Variants in CPNE1 observed in about 807,000 individuals in gnomAD.
The protein encoded by CPNE1 is copine-1.
A neutral mutation model predicts 63.2 loss-of-function variants in CPNE1; 58 were observed. That is an observed-to-expected ratio of 0.92 (90% CI 0.74 to 1.14). The LOEUF is 1.14. CPNE1 is among the 50% of genes most tolerant of loss of function. The pLI is 0.00. For synonymous variants in CPNE1, 237 were observed against 249.0 expected (o/e 0.95, Z 0.45); for missense variants, 672 against 661.7 (o/e 1.02, Z -0.17).
At chr20:35,634,557 G>A (rs954418917) in intron 1 of CPNE1, among the ~76,000 whole-genome samples, 18 of 151,902 alleles carry the variant, frequency 1.2e-4, no homozygotes, top group African/African-American at 4.1e-4. Context: ...TCGCGCCACC[G>A]TACTCCAGCC....
At chr20:35,652,286 T>C (rs1211580808) in intron 1 of CPNE1, 2 of 445,758 alleles carry the variant, frequency 4.5e-6, no homozygotes, top group Non-Finnish European at 7.9e-6. Flanking sequence ...GTTTCTCTAA[T>C]GGTATGCCAA....
intron 1 of CPNE1, among the ~76,000 whole-genome samples, chr20:35,640,426 A>T (rs556019711): frequency 1.3e-5 from 2 of 152,256 alleles, no homozygotes; most frequent in East Asian, 3.9e-4. Flanking sequence ...TTCCAGAACC[A>T]TATTAAATAT....
At chr20:35,655,486 C>G in intron 1 of CPNE1, 2 of 725,968 alleles carry the variant, frequency 2.8e-6, no homozygotes, top group Non-Finnish European at 4.3e-6. Flanking sequence ...TTTAGATATT[C>G]TAAAAACTGA....
rs147428000 is a variant in CPNE1, at chr20:35,652,639, A to G, written c.-1+12121T>C. ...GGCCACCATGGCTTCACCTGTGGGCATACCTTTTTCATTGTATTTTAAACA... is the reference window on the plus strand; with the variant it reads ...GGCCACCATGGCTTCACCTGTGGGCGTACCTTTTTCATTGTATTTTAAACA... On this transcript the variant is annotated intron_variant, in intron 1 of 15. Transcript: ENST00000397443. The G allele has an allele frequency of 3.2e-5, 52 of 1,614,208 alleles. No individual in the cohort carries two copies. In the Admixed American group the frequency reaches 6.3e-4, roughly 20 times the overall value.
At chr20:35,649,271 G>GA (rs2033335294) in intron 1 of CPNE1, 2 of 152,170 alleles carry the variant, frequency 1.3e-5, no homozygotes, top group African/African-American at 4.8e-5. Flanking sequence ...AAATTGATGA[G>GA]ATTTTACACT....
chr20:35,657,684 AAT>A (rs1169591842), intron 1 of CPNE1, among the ~76,000 whole-genome samples: 1 of 152,256 alleles, frequency 6.6e-6, no homozygotes, highest in African/African-American at 2.4e-5. Context: ...GAAAGGGCTG[AAT>A]ATTAAACCAA....
At chr20:35,627,119 T>C (rs932499878) in intron 14 of CPNE1, among the ~76,000 whole-genome samples, 161 bp downstream of exon 14, 4 of 139,430 alleles carry the variant, frequency 2.9e-5, no homozygotes, top group Non-Finnish European at 4.5e-5. Context: ...ACCCAGGAGG[T>C]GCAGGTTGCA....
intron 2 of CPNE1, 41 bp downstream of exon 2, chr20:35,632,754 T>C: frequency 1.1e-6 from 1 of 872,818 alleles, no homozygotes; most frequent in Non-Finnish European, 2.0e-6. Context: ...AACACAATCC[T>C]AGCCTCCCTC....
chr20:35,658,718 C>T (rs930206488), intron 1 of CPNE1, among the ~76,000 whole-genome samples: 1 of 151,928 alleles, frequency 6.6e-6, no homozygotes, highest in Admixed American at 6.6e-5. Context: ...CGAGATGGCA[C>T]CACTGCACTC....
At chr20:35,642,620 G>A (rs187298984) in intron 1 of CPNE1, among the ~76,000 whole-genome samples, 9 of 152,266 alleles carry the variant, frequency 5.9e-5, no homozygotes, top group Non-Finnish European at 1.2e-4. Flanking sequence ...AGGTAGACAA[G>A]TTTTCTTATC....
At chr20:35,638,416 A>C (rs1045658466) in intron 1 of CPNE1, among the ~76,000 whole-genome samples, 3 of 152,236 alleles carry the variant, frequency 2.0e-5, no homozygotes, top group African/African-American at 7.2e-5. Context: ...CCACAGCGTT[A>C]ATTATCAGGG....
At chr20:35,664,497 C>T (rs1331318364) in intron 1 of CPNE1, 1 of 152,334 alleles carries the variant, frequency 6.6e-6, no homozygotes, top group African/African-American at 2.4e-5. Context: ...CTGGCCTGCC[C>T]CCTCTCAGAC....
At chr20:35,627,632 C>A in intron 13 of CPNE1, 1 of 456,394 alleles carries the variant, frequency 2.2e-6, no homozygotes, top group Non-Finnish European at 3.9e-6. Context: ...AATTAGCACC[C>A]AGATGAGAGG....
At chr20:35,628,494 T>C (rs2031913515) in intron 13 of CPNE1, among the ~76,000 whole-genome samples, 2 of 152,124 alleles carry the variant, frequency 1.3e-5, no homozygotes, top group South Asian at 4.1e-4. Context: ...CAAATCAACA[T>C]CATGTTCCTC....
At chr20:35,628,736 T>C (rs1426217421) in intron 13 of CPNE1, among the ~76,000 whole-genome samples, 1 of 152,270 alleles carries the variant, frequency 6.6e-6, no homozygotes, top group African/African-American at 2.4e-5. Flanking sequence ...TCTGAGATTT[T>C]CTTTTGCTGT....
chr20:35,653,600 G>A (rs541216065), intron 1 of CPNE1: 9 of 1,614,180 alleles, frequency 5.6e-6, no homozygotes, highest in Non-Finnish European at 5.9e-6. Context: ...ACAAGAACAT[G>A]TACAGCATTT....
At chr20:35,655,299 T>C (rs780397309) in intron 1 of CPNE1, 22 of 1,610,370 alleles carry the variant, frequency 1.4e-5, no homozygotes, top group South Asian at 5.5e-5. Context: ...TTGGGAGACC[T>C]TGCAAACGGA....
intron 1 of CPNE1, among the ~76,000 whole-genome samples, chr20:35,639,480 G>T (rs888031817): frequency 6.6e-6 from 1 of 152,136 alleles, no homozygotes; most frequent in Non-Finnish European, 1.5e-5. Flanking sequence ...GGGATTACAG[G>T]CACCTGCCAT....
chr20:35,626,583 T>C lies in CPNE1; in HGVS notation c.1457A>G (p.Tyr486Cys). ...AARDIVQFVP[Y>C]RRFQNAPREA... Reference sequence around the variant, plus strand: ...CCTACTCACATTCTGGAACCGGCGGTAGGGTACAAACTGCACAATGTCGCG... The same window carrying C: ...CCTACTCACATTCTGGAACCGGCGGCAGGGTACAAACTGCACAATGTCGCG... The change falls in exon 15 of 16, where the codon TAC becomes TGC. Residue 486 changes from tyrosine to cysteine, a missense_variant. Coordinates refer to ENST00000397443, the MANE Select transcript of CPNE1 (RefSeq NM_152925.3). The C allele has an allele frequency of 6.2e-7, 1 of 1,614,006 alleles. No homozygotes were observed. The highest frequency in any genetic ancestry group is 8.5e-7 in the Non-Finnish European group (1 of 1,179,916).
Sources: gnomAD v4.1 joint callset for allele counts (sites outside exome capture counted in the v4.1 genomes callset) on GRCh38, gnomAD v4.1.1 for gene constraint, MANE v1.5 for transcripts, NCBI Gene and HGNC (gene_info 2026-07-23, HGNC 2026-07-21) for gene names.